ANKFY1: variants seen among roughly 807,000 people sequenced by gnomAD.
The protein encoded by ANKFY1 is ankyrin repeat and FYVE domain-containing protein 1.
A neutral mutation model predicts 128.3 loss-of-function variants in ANKFY1; 47 were observed. The ratio of observed to expected loss-of-function variants is 0.37; its 90% CI spans 0.29 to 0.47. The LOEUF (loss-of-function observed/expected upper bound fraction) is 0.47, where lower values mean the gene tolerates loss of function less well. Ranked by LOEUF, ANKFY1 falls within the 20% of genes least tolerant of loss-of-function variation. The probability of loss-of-function intolerance (pLI) is 1.00; values close to 1 mark genes in which losing one functional copy is unlikely to be tolerated. For synonymous variants in ANKFY1, 553 were observed against 601.6 expected, an observed-to-expected ratio of 0.92 and a Z score of 1.18; for missense variants, 1,222 against 1,510.6, an observed-to-expected ratio of 0.81 and a Z score of 3.17.
chr17:4,237,804 C>T (rs1174384284), intron 2 of ANKFY1, among the ~76,000 whole-genome samples: 3 of 151,998 alleles, frequency 2.0e-5, no homozygotes, highest in Non-Finnish European at 4.4e-5. Context: ...AATTAAGGAC[C>T]TAGTAATTTT....
chr17:4,171,661 T>C (rs1397649896), intron 22 of ANKFY1, among the ~76,000 whole-genome samples: 1 of 152,200 alleles, frequency 6.6e-6, no homozygotes, highest in Non-Finnish European at 1.5e-5. Flanking sequence ...TCCCTGCTCC[T>C]GGGCAAGGTG....
At chr17:4,230,896 C>T (rs1401487391) in intron 3 of ANKFY1, among the ~76,000 whole-genome samples, 2 of 152,138 alleles carry the variant, frequency 1.3e-5, no homozygotes, top group Non-Finnish European at 2.9e-5. Flanking sequence ...CTTATATAAC[C>T]ATAGTACAAT....
intron 16 of ANKFY1, among the ~76,000 whole-genome samples, chr17:4,180,674 G>T (rs1373756599): frequency 7.0e-6 from 1 of 143,504 alleles, no homozygotes; most frequent in Non-Finnish European, 1.5e-5. Context: ...GGAGAATGGC[G>T]TGAACCCAGG....
At chr17:4,263,329 C>A (rs1453591827) in intron 1 of ANKFY1, among the ~76,000 whole-genome samples, 1 of 152,174 alleles carries the variant, frequency 6.6e-6, no homozygotes, top group Non-Finnish European at 1.5e-5. Flanking sequence ...GCAGTGTGAC[C>A]TTGGCCAACT....
intron 1 of ANKFY1, among the ~76,000 whole-genome samples, chr17:4,251,134 T>C (rs895051457): frequency 6.6e-6 from 1 of 152,188 alleles, no homozygotes; most frequent in East Asian, 1.9e-4. Flanking sequence ...CTTTGACTTA[T>C]ACAAATGATC....
intron 1 of ANKFY1, among the ~76,000 whole-genome samples, chr17:4,256,851 G>C (rs923892956): frequency 1.3e-5 from 2 of 152,136 alleles, no homozygotes; most frequent in African/African-American, 4.8e-5. Context: ...TCTGCCTCAT[G>C]TTACAGTTGG....
intron 14 of ANKFY1, 37 bp downstream of exon 14, chr17:4,183,361 T>A (rs756713177): frequency 6.3e-7 from 1 of 1,598,616 alleles, no homozygotes; most frequent in Non-Finnish European, 8.6e-7. Context: ...AATTAATTGT[T>A]ACCTGGTGTT....
At chr17:4,177,386 G>A (rs1260742658) in intron 18 of ANKFY1, 84 bp from the exon 19 acceptor site, 28 of 1,269,338 alleles carry the variant, frequency 2.2e-5, no homozygotes, top group Non-Finnish European at 2.9e-5. Context: ...ACTGACCACT[G>A]GAGAGGTCAC....
chr17:4,262,910 G>A (rs1376270654), intron 1 of ANKFY1, among the ~76,000 whole-genome samples: 1 of 152,190 alleles, frequency 6.6e-6, no homozygotes, highest in Non-Finnish European at 1.5e-5. Flanking sequence ...CCAACTGTCA[G>A]GTGCTGCCCA....
chr17:4,181,378 GA>G lies in ANKFY1; in HGVS notation c.2122-7del. The G allele has an allele frequency of 6.2e-7, 1 of 1,607,394 alleles. No homozygotes were observed. The highest frequency in any genetic ancestry group is 8.5e-7 in the Non-Finnish European group (1 of 1,173,980). Reference sequence around the variant, plus strand: ...GCATCACAGCCATGTCTGACCTGCAGAAAAACATAGGTTATTCACAAACACT... The same window carrying G: ...GCATCACAGCCATGTCTGACCTGCAGAAAACATAGGTTATTCACAAACACT... On this transcript the variant is annotated splice_polypyrimidine_tract_variant and splice_region_variant and intron_variant, in intron 15 of 24. Coordinates refer to ENST00000341657, the MANE Select transcript of ANKFY1 (RefSeq NM_001330063.2). This position sits in a 1 kb window ranked among gnomAD's most constrained non-coding sequence, Gnocchi z 4.9.
chr17:4,176,690 A>G (rs1371237139), intron 19 of ANKFY1, among the ~76,000 whole-genome samples: 1 of 152,246 alleles, frequency 6.6e-6, no homozygotes, highest in African/African-American at 2.4e-5. Flanking sequence ...AAAATCCAGC[A>G]CTACTTGCTT....
intron 3 of ANKFY1, among the ~76,000 whole-genome samples, chr17:4,227,773 A>G (rs914831114): frequency 6.6e-6 from 1 of 152,248 alleles, no homozygotes; most frequent in Non-Finnish European, 1.5e-5. Context: ...GTTCAGCATT[A>G]TTATCAGGGG....
Position 4,209,770 on chromosome 17 carries a change from C to T in ANKFY1, c.582+54G>A, listed in dbSNP as rs142142698. 96 of 1,550,802 alleles carry T rather than the reference C, an allele frequency of 6.2e-5. No individual in the cohort carries two copies. The African/African-American group carries it at 7.5e-4, about 12-fold the overall frequency. ...TTCCATGGAACTACGTCCCCAGCGG[C>T]GGTCTCCTGACTGCCAGCTAGAGTG... On this transcript the variant is annotated intron_variant, in intron 5 of 24. Transcript: ENST00000341657.
Position 4,217,130 on chromosome 17 carries a change from AAG to A in ANKFY1, c.323-14_323-13del, listed in dbSNP as rs750185623. 6 of 1,605,634 alleles carry A rather than the reference AAG, an allele frequency of 3.7e-6. No individual in the cohort carries two copies. The South Asian group carries it at 6.6e-5, about 18-fold the overall frequency. On this transcript the variant is annotated splice_polypyrimidine_tract_variant and intron_variant, in intron 3 of 24. Transcript: ENST00000341657. ...CTCAGGATTAGCATCTGGTTAAAGA[AAG>A]AGAGAACAACTGAAAAAGCATAGAA...
In ANKFY1 at chr17:4,244,746, C is replaced by G. The variant is rs1401607698; in HGVS notation, c.11-2298G>C. Among the ~76,000 whole-genome samples the G allele has an allele frequency of 2.0e-5, 3 of 152,134 alleles. No homozygotes were observed. In the South Asian group the frequency reaches 6.2e-4, roughly 32 times the overall value. The stretch of plus-strand genomic sequence containing the variant: ...TCCTTCCTACCCAAGTTTAATCCCC[C>G]ATGTGCTCCCTAAATCTGATCGCTC... On this transcript the variant is annotated intron_variant, in intron 1 of 24. Transcript: ENST00000341657.
In ANKFY1 at chr17:4,217,111, A is replaced by C. The variant is rs772480797; in HGVS notation, c.330T>G (p.Asn110Lys). 13 of 1,610,222 alleles carry C rather than the reference A, an allele frequency of 8.1e-6. No individual in the cohort carries two copies. Among genetic ancestry groups the C allele is most frequent in the Admixed American group, 6.7e-5 (4 of 59,974 alleles). Reference sequence around the variant, plus strand: ...GAAGCATTGTCATCGTCACCTCAGGATTAGCATCTGGTTAAAGAAAGAGAG... The same window carrying C: ...GAAGCATTGTCATCGTCACCTCAGGCTTAGCATCTGGTTAAAGAAAGAGAG... ...STKELDLSDANPEVTMTMLRW... is the reference protein window; with the variant it reads ...STKELDLSDAKPEVTMTMLRW... The change falls in exon 4 of 25, where the codon AAT becomes AAG. Residue 110 changes from asparagine to lysine, a missense_variant. Asn to Lys is a moderately conservative substitution (Grantham distance 94). Transcript: ENST00000341657.
chr17:4,173,294 C>T, intron 21 of ANKFY1, 60 bp downstream of exon 21: 1 of 1,539,010 alleles, frequency 6.5e-7, no homozygotes. Context: ...GCACCAGCAA[C>T]CAGCAGCTCT....
At chr17:4,217,505 C>G (rs901168096) in intron 3 of ANKFY1, among the ~76,000 whole-genome samples, 69 of 152,228 alleles carry the variant, frequency 4.5e-4, no homozygotes, top group Non-Finnish European at 2.1e-4. Context: ...AGAGATTGAG[C>G]CACTGCACTC....
In ANKFY1 at chr17:4,165,514, G is replaced by A. The variant is rs905541266; in HGVS notation, c.*2265C>T. ...GTTGGAGTCAGCTCCCACTCAAGCA[G>A]CCTGCTGAGTGCAGCCCAGCGAGCG... On this transcript the variant is annotated 3_prime_UTR_variant, in exon 25 of 25. Coordinates refer to ENST00000341657, the MANE Select transcript of ANKFY1 (RefSeq NM_001330063.2). 6 of 152,372 alleles carry A rather than the reference G, an allele frequency of 3.9e-5. No individual in the cohort carries two copies. The highest frequency in any genetic ancestry group is 1.4e-4 in the African/African-American group (6 of 41,588). 9.4% of individuals were successfully genotyped at this position (152,372 alleles called of 1,614,324 possible).
Sources: gnomAD v4.1 joint callset for allele counts (sites outside exome capture counted in the v4.1 genomes callset) on GRCh38, gnomAD v4.1.1 for gene constraint, Gnocchi (gnomAD v3.1) non-coding constraint, MANE v1.5 for transcripts, NCBI Gene and HGNC (gene_info 2026-07-23, HGNC 2026-07-21) for gene names.